Variants in GULP1 observed in about 807,000 individuals in gnomAD.
The protein encoded by GULP1 is GULP PTB domain containing engulfment adaptor 1.
A neutral mutation model predicts 40.9 loss-of-function variants in GULP1; 19 were observed. The observed-to-expected ratio is 0.46, with a 90% CI of 0.32 to 0.68. The LOEUF (loss-of-function observed/expected upper bound fraction) is 0.68. Among genes scored for constraint, GULP1 ranks in the 30% least tolerant of loss-of-function variants. GULP1 has a pLI of 0.03. For synonymous variants in GULP1, 119 were observed against 117.6 expected, an observed-to-expected ratio of 1.01 and a Z score of -0.08; for missense variants, 312 against 362.2, an observed-to-expected ratio of 0.86 and a Z score of 1.12.
chr2:188,488,248 ATCC>A (rs1180366465), intron 4 of GULP1, among the ~76,000 whole-genome samples: 1 of 152,022 alleles, frequency 6.6e-6, no homozygotes, highest in Non-Finnish European at 1.5e-5. Context: ...TAGTTGCTGC[ATCC>A]TATTACAGTA....
In GULP1 at chr2:188,593,948, CA is replaced by C; in HGVS notation, c.856del (p.Met286TrpfsTer3). The stretch of plus-strand genomic sequence containing the variant: ...TTTATTCTGTTTTACAGGAGGGGTT[CA>C]AAATGGGACTAACTCTTGAAGGCAC... The part of the protein sequence containing the change: ...SKLDEMQEGF[K>X]MGLTLEGTVF... On this transcript the variant is annotated frameshift_variant, in exon 12 of 12. Coordinates refer to ENST00000409830, the MANE Select transcript of GULP1 (RefSeq NM_016315.4). LOFTEE classifies it high-confidence loss of function. 1 of 1,574,076 alleles carries C rather than the reference CA, an allele frequency of 6.4e-7. No homozygotes were observed. Among genetic ancestry groups the C allele is most frequent in the Non-Finnish European group, 8.7e-7 (1 of 1,144,598 alleles).
intron 4 of GULP1, among the ~76,000 whole-genome samples, chr2:188,503,095 A>G (rs987109600): frequency 7.9e-5 from 12 of 151,942 alleles, no homozygotes; most frequent in Non-Finnish European, 1.3e-4. Context: ...TTACACTTCA[A>G]AAATCTTTGA....
chr2:188,358,870 T>A (rs1278615686), intron 1 of GULP1, among the ~76,000 whole-genome samples: 3 of 152,114 alleles, frequency 2.0e-5, no homozygotes, highest in African/African-American at 7.2e-5. Context: ...CCATTTCTAA[T>A]GAGTAAATAT....
intron 4 of GULP1, among the ~76,000 whole-genome samples, chr2:188,502,920 A>G (rs925330630): frequency 2.0e-4 from 31 of 151,850 alleles, no homozygotes; most frequent in Admixed American, 2.0e-3. Flanking sequence ...GGCATCTTGA[A>G]CTCTGTGTGC....
intron 1 of GULP1, among the ~76,000 whole-genome samples, chr2:188,346,221 T>A (rs1000706079): frequency 1.3e-5 from 2 of 152,162 alleles, no homozygotes; most frequent in African/African-American, 4.8e-5. Flanking sequence ...CAGGGTAGGG[T>A]TAAATCCATG....
At chr2:188,555,478 A>G (rs1559374438) in intron 7 of GULP1, among the ~76,000 whole-genome samples, 2 of 152,188 alleles carry the variant, frequency 1.3e-5, no homozygotes, top group South Asian at 4.1e-4. Flanking sequence ...AGAAAGGAGA[A>G]TATTACTGGA....
chr2:188,456,427 C>T (rs1446585533), intron 2 of GULP1, among the ~76,000 whole-genome samples: 3 of 152,106 alleles, frequency 2.0e-5, no homozygotes, highest in Non-Finnish European at 2.9e-5. Context: ...CTGAAATGGA[C>T]GAATGTAGAG....
intron 2 of GULP1, among the ~76,000 whole-genome samples, chr2:188,432,806 C>T (rs2057017427): frequency 6.6e-6 from 1 of 151,906 alleles, no homozygotes; most frequent in East Asian, 1.9e-4. Flanking sequence ...TTTTTGAGTA[C>T]TCTATTTTCA....
intron 1 of GULP1, among the ~76,000 whole-genome samples, chr2:188,374,459 T>G (rs1420944795): frequency 6.6e-6 from 1 of 152,076 alleles, no homozygotes; most frequent in East Asian, 1.9e-4. Context: ...ATCCAGGCAG[T>G]TAGATATTTA....
intron 9 of GULP1, among the ~76,000 whole-genome samples, chr2:188,581,985 A>G (rs1701422504): frequency 6.6e-6 from 1 of 152,142 alleles, no homozygotes; most frequent in Non-Finnish European, 1.5e-5. Context: ...TCTCATTACT[A>G]TCCTTCCTTT....
chr2:188,358,387 CAGTT>C (rs1257363607), intron 1 of GULP1, among the ~76,000 whole-genome samples: 5 of 152,016 alleles, frequency 3.3e-5, no homozygotes, highest in African/African-American at 7.2e-5. Flanking sequence ...ACAAAATTAA[CAGTT>C]AGATAGAAGG....
chr2:188,362,392 C>G (rs2046216996), intron 1 of GULP1, among the ~76,000 whole-genome samples: 1 of 152,060 alleles, frequency 6.6e-6, no homozygotes. Flanking sequence ...TTTCAGAACT[C>G]ATTTTTGGAA....
At chr2:188,409,234 A>G (rs2053551941) in intron 2 of GULP1, among the ~76,000 whole-genome samples, 1 of 152,172 alleles carries the variant, frequency 6.6e-6, no homozygotes, top group Non-Finnish European at 1.5e-5. Flanking sequence ...AAGCCTTTAA[A>G]CTAAAAAACT....
chr2:188,466,396 G>T (rs1319661325), intron 2 of GULP1: 1 of 150,432 alleles, frequency 6.6e-6, no homozygotes, highest in Non-Finnish European at 1.5e-5. Flanking sequence ...TCCTGCCTCA[G>T]TCTCCCGAGT....
intron 1 of GULP1, among the ~76,000 whole-genome samples, chr2:188,347,505 T>C (rs1358715521): frequency 6.6e-6 from 1 of 151,980 alleles, no homozygotes; most frequent in Non-Finnish European, 1.5e-5. Context: ...CTTCAAAAAG[T>C]CCAAAAAAGT....
chr2:188,566,429 AAT>A (rs924001155), intron 7 of GULP1, among the ~76,000 whole-genome samples: 4 of 152,140 alleles, frequency 2.6e-5, no homozygotes, highest in African/African-American at 4.8e-5. Context: ...ATAAATAAAT[AAT>A]ATGAGGCCAA....
At chr2:188,423,971 G>A (rs2055810968) in intron 2 of GULP1, among the ~76,000 whole-genome samples, 1 of 151,584 alleles carries the variant, frequency 6.6e-6, no homozygotes, top group South Asian at 2.1e-4. Flanking sequence ...ATCAAATGTA[G>A]CTCTGCCTCA....
chr2:188,488,153 C>T lies in GULP1; in HGVS notation c.90+4661C>T, dbSNP rs139985375. On this transcript the variant is annotated intron_variant, in intron 4 of 11. Coordinates refer to ENST00000409830, the MANE Select transcript of GULP1 (RefSeq NM_016315.4). ...GTAATCCTAGAAAAATCAGAACCTA[C>T]GTATCTGACATGCTCAGATGCACCC... Among the ~76,000 whole-genome samples the T allele has an allele frequency of 4.8e-4, 73 of 152,072 alleles. 1 individual carries two copies. The East Asian group carries it at 0.014, about 30-fold the overall frequency.
chr2:188,589,513 C>T (rs1703083925), intron 11 of GULP1: 1 of 344,442 alleles, frequency 2.9e-6, no homozygotes. Context: ...ATACAGAGTA[C>T]TTCTCTAAAA....
Sources: gnomAD v4.1 joint callset for allele counts (sites outside exome capture counted in the v4.1 genomes callset) on GRCh38, gnomAD v4.1.1 for gene constraint, MANE v1.5 for transcripts, NCBI Gene and HGNC (gene_info 2026-07-23, HGNC 2026-07-21) for gene names.